PRKDC: variants seen among roughly 807,000 people sequenced by gnomAD.
PRKDC encodes the protein protein kinase, DNA-activated, catalytic subunit.
Under a neutral mutation model 486.9 loss-of-function variants are expected in PRKDC, and 82 were observed. That is an observed-to-expected ratio of 0.17 (90% CI 0.14 to 0.20). The LOEUF is 0.20. Ranked by LOEUF, PRKDC falls within the 10% of genes least tolerant of loss-of-function variation. PRKDC has a pLI of 1.00. For synonymous variants in PRKDC, 1,895 were observed against 1,837.0 expected, an observed-to-expected ratio of 1.03 and a Z score of -0.81; for missense variants, 4,504 against 5,038.2, an observed-to-expected ratio of 0.89 and a Z score of 3.21.
chr8:47,931,653 A>G (rs2090256615), intron 16 of PRKDC, among the ~76,000 whole-genome samples: 2 of 152,126 alleles, frequency 1.3e-5, no homozygotes, highest in Non-Finnish European at 2.9e-5. Context: ...GTGTCCCTTC[A>G]TGTTTCCTCT....
In PRKDC at chr8:47,857,191, T is replaced by C. The variant is rs767732100; in HGVS notation, c.6574A>G (p.Thr2192Ala). ...GCCAAGCCTGTCCATGAAAGAATAG[T>C]GGCCACTATCTCAACCACCATGTAG... The part of the protein sequence containing the change: ...IHYMVVEIVA[T>A]ILSWTGLATP... Residue 2192 changes from threonine to alanine, a missense_variant, in exon 49 of 86, where the codon ACT (threonine) becomes GCT (alanine). By Grantham distance (58) the Thr-to-Ala change is moderately conservative. This residue lies in a region of PRKDC where 1,592 missense variants were observed against 1,724.6 expected (regional missense o/e 0.92). Transcript: ENST00000314191. The C allele has an allele frequency of 3.7e-6, 6 of 1,613,832 alleles. No homozygotes were observed. Among genetic ancestry groups the C allele is most frequent in the Non-Finnish European group, 2.5e-6 (3 of 1,179,878 alleles).
chr8:47,902,434 C>T, intron 27 of PRKDC, 135 bp downstream of exon 27: 1 of 605,074 alleles, frequency 1.7e-6, no homozygotes, highest in Admixed American at 4.0e-5. Context: ...TTTTTAATTT[C>T]CAGAAGACAG....
chr8:47,850,094 C>A (rs1400728383), intron 52 of PRKDC, among the ~76,000 whole-genome samples: 1 of 152,132 alleles, frequency 6.6e-6, no homozygotes, highest in Non-Finnish European at 1.5e-5. Context: ...AGGGACATGA[C>A]CTGTCCTGTT....
chr8:47,932,792 A>C (rs899300884), intron 16 of PRKDC, among the ~76,000 whole-genome samples: 32 of 150,430 alleles, frequency 2.1e-4, no homozygotes, highest in Non-Finnish European at 1.2e-4. Flanking sequence ...TAATTTTTTC[A>C]AAAAAAAAAT....
chr8:47,841,385 G>A (rs1384567101), intron 54 of PRKDC, among the ~76,000 whole-genome samples: 1 of 144,800 alleles, frequency 6.9e-6, no homozygotes, highest in Non-Finnish European at 1.5e-5. Context: ...TGGGTCTGGG[G>A]AGAGGCTGAT....
intron 46 of PRKDC, among the ~76,000 whole-genome samples, chr8:47,859,324 A>AC (rs1312547009): frequency 6.6e-6 from 1 of 151,482 alleles, no homozygotes; most frequent in Non-Finnish European, 1.5e-5. Flanking sequence ...CTGCTATGTG[A>AC]CCCCCTGAAC....
At chr8:47,818,823 TAACA>T (rs1385504025) in intron 67 of PRKDC, among the ~76,000 whole-genome samples, 5 of 152,294 alleles carry the variant, frequency 3.3e-5, no homozygotes, top group Middle Eastern at 3.4e-3. Flanking sequence ...AAATTCAGAT[TAACA>T]AACAAAACAT....
intron 31 of PRKDC, among the ~76,000 whole-genome samples, chr8:47,892,103 C>T (rs1053186449): frequency 6.6e-6 from 1 of 152,164 alleles, no homozygotes; most frequent in Non-Finnish European, 1.5e-5. Context: ...CTCCTCACCT[C>T]AGGTGATGTG....
Position 47,782,564 on chromosome 8 carries a change from C to T in PRKDC, c.11210G>A (p.Arg3737His), listed in dbSNP as rs763729016. Residue 3737 changes from arginine (R) to histidine (H), a missense_variant, in exon 79 of 86, where the codon CGC (arginine) becomes CAC (histidine). Transcript: ENST00000314191. This position sits in a 1 kb window ranked among gnomAD's most constrained non-coding sequence, Gnocchi z 4.9. ...CTCGTCATGGCCACGGATGATGATG[C>T]GCTTGGGCCTTCGCAGAGACGCCAT... ...TVMASLRRPK[R>H]IIIRGHDERE... 50 of 1,569,294 alleles carry T rather than the reference C, an allele frequency of 3.2e-5. No individual in the cohort carries two copies. The highest frequency in any genetic ancestry group is 4.2e-5 in the Non-Finnish European group (49 of 1,157,286).
intron 73 of PRKDC, among the ~76,000 whole-genome samples, chr8:47,795,190 C>CT (rs34711098): frequency 0.039 from 4,137 of 105,292 alleles, 120 homozygotes; most frequent in Admixed American, 0.099. Context: ...CTGGCCAACT[C>CT]TTTTTTTTTT....
chr8:47,951,622 G>A (rs1032814555), intron 7 of PRKDC, among the ~76,000 whole-genome samples: 1 of 151,934 alleles, frequency 6.6e-6, no homozygotes, highest in Non-Finnish European at 1.5e-5. Flanking sequence ...GCTAATGTGG[G>A]AGGTTCCCTT....
At position 47,896,442 on chromosome 8, in the gene PRKDC, T is replaced by TA. The variant is rs201253393; in HGVS notation, c.3598+718dup. On this transcript the variant is annotated intron_variant, in intron 30 of 85. Coordinates refer to ENST00000314191, the MANE Select transcript of PRKDC (RefSeq NM_006904.7). The stretch of plus-strand genomic sequence containing the variant: ...GCGGGTGGATCACGAGGTCAGCAGA[T>TA]AGAGACCATCCTGGCTAACACGGTG... Among the ~76,000 whole-genome samples, 1,325 of 152,140 alleles carry TA rather than the reference T, an allele frequency of 8.7e-3. 27 individuals are homozygous for TA. The highest frequency in any genetic ancestry group is 0.029 in the African/African-American group (1,225 of 41,536).
intron 21 of PRKDC, among the ~76,000 whole-genome samples, chr8:47,923,688 G>C (rs892685165): frequency 6.6e-6 from 1 of 152,200 alleles, no homozygotes; most frequent in Non-Finnish European, 1.5e-5. Context: ...GGCTGTGAAG[G>C]TGTAGGGGCC....
At chr8:47,808,211 A>AG (rs1420786174) in intron 68 of PRKDC, among the ~76,000 whole-genome samples, 1 of 152,080 alleles carries the variant, frequency 6.6e-6, no homozygotes, top group African/African-American at 2.4e-5. Context: ...GTGCAATCAC[A>AG]GCTCACTGCA....
At chr8:47,809,860 T>G (rs1318297197) in intron 68 of PRKDC, among the ~76,000 whole-genome samples, 1 of 152,172 alleles carries the variant, frequency 6.6e-6, no homozygotes, top group Non-Finnish European at 1.5e-5. Flanking sequence ...CTGTTTCCTC[T>G]CTGTCTTACT....
At position 47,836,503 on chromosome 8, in the gene PRKDC, G is replaced by C; in HGVS notation, c.7786C>G (p.Arg2596Gly). The change falls in exon 58 of 86, where the codon CGT (arginine) becomes GGT (glycine). Residue 2596 changes from arginine (R) to glycine (G), a missense_variant. By Grantham distance (125) the Arg-to-Gly change is moderately radical (BLOSUM62 -2). This residue lies in a region of PRKDC where 1,592 missense variants were observed against 1,724.6 expected (regional missense o/e 0.92). Coordinates refer to ENST00000314191, the MANE Select transcript of PRKDC (RefSeq NM_006904.7). The part of the protein sequence containing the change: ...FQEYTIDSDW[R>G]FRSTVLTPMF... ...GGAGTGAGAACAGTACTTCGGAAACGCCAATCAGAATCAATGGTATATTCC... is the reference window on the plus strand; with the variant it reads ...GGAGTGAGAACAGTACTTCGGAAACCCCAATCAGAATCAATGGTATATTCC... 6.2e-7 allele frequency: 1 copy of C among 1,604,370 alleles called. No individual in the cohort carries two copies. Among genetic ancestry groups the C allele is most frequent in the Non-Finnish European group, 8.5e-7 (1 of 1,175,250 alleles).
chr8:47,831,877 C>A lies in PRKDC; in HGVS notation c.8202G>T (p.Arg2734Ser). The change falls in exon 60 of 86, where the codon AGG becomes AGT. Residue 2734 changes from arginine (R) to serine (S), a missense_variant. By Grantham distance (110) the Arg-to-Ser change is moderately radical (BLOSUM62 -1). Around this residue, in one of 6 missense-constraint regions of PRKDC, gnomAD observed 1,592 missense variants for 1,724.6 expected, o/e 0.92. Coordinates refer to ENST00000314191, the MANE Select transcript of PRKDC (RefSeq NM_006904.7). ...ACATCAAACTGAGCTTCTCCTGGTCCCTCATAAACCGTCTGCGCAGTCGTA... is the reference window on the plus strand; with the variant it reads ...ACATCAAACTGAGCTTCTCCTGGTCACTCATAAACCGTCTGCGCAGTCGTA... ...DLLRLRRRFM[R>S]DQEKLSLMYA... 6.2e-7 allele frequency: 1 copy of A among 1,613,978 alleles called. No individual in the cohort carries two copies. The highest frequency in any genetic ancestry group is 8.5e-7 in the Non-Finnish European group (1 of 1,179,866).
chr8:47,783,768 C>A lies in PRKDC; in HGVS notation c.11149G>T (p.Val3717Leu), dbSNP rs747860848. Residue 3717 changes from valine to leucine, a missense_variant, in exon 78 of 86, where the codon GTG becomes TTG. Val to Leu is a conservative substitution (Grantham distance 32). Coordinates refer to ENST00000314191, the MANE Select transcript of PRKDC (RefSeq NM_006904.7). ...GRGKPLPEYHVRIAGFDERVT... is the reference protein window; with the variant it reads ...GRGKPLPEYHLRIAGFDERVT... ...CGCTCATCAAACCCGGCGATTCGCA[C>A]GTGGTACTCTGGCAATGGCTTTCCC... The A allele has an allele frequency of 1.9e-5, 30 of 1,613,814 alleles. No individual in the cohort carries two copies. Among genetic ancestry groups the A allele is most frequent in the Non-Finnish European group, 2.5e-5 (30 of 1,179,892 alleles).
chr8:47,905,753 T>C (rs900630368), intron 25 of PRKDC, among the ~76,000 whole-genome samples: 3 of 152,304 alleles, frequency 2.0e-5, no homozygotes, highest in African/African-American at 2.4e-5. Context: ...TCTATGGAGA[T>C]AGGATGAAAA....
Sources: allele counts gnomAD v4.1 joint callset (sites outside exome capture counted in the v4.1 genomes callset), GRCh38; gene constraint gnomAD v4.1.1; regional missense constraint gnomAD v4.1.1; non-coding constraint Gnocchi (gnomAD v3.1); transcripts MANE v1.5; gene names NCBI Gene and HGNC (gene_info 2026-07-23, HGNC 2026-07-21).